Variants in STIL observed in about 807,000 individuals in gnomAD.
STIL encodes SCL-interrupting locus protein.
A neutral mutation model predicts 110.1 loss-of-function variants in STIL; 55 were observed. The ratio of observed to expected loss-of-function variants is 0.50; its 90% confidence interval spans 0.40 to 0.63. The LOEUF (loss-of-function observed/expected upper bound fraction) is 0.63. STIL is among the 20% of genes least tolerant of loss of function. The pLI, the probability that STIL is intolerant of heterozygous loss-of-function variation, is 0.00. For synonymous variants in STIL, 481 were observed against 530.0 expected, an observed-to-expected ratio of 0.91 and a Z score of 1.27; for missense variants, 1,358 against 1,530.0, an observed-to-expected ratio of 0.89 and a Z score of 1.87.
chr1:47,311,400 T>C (rs1646122209), intron 1 of STIL, among the ~76,000 whole-genome samples: 1 of 149,882 alleles, frequency 6.7e-6, no homozygotes, highest in Non-Finnish European at 1.5e-5. Flanking sequence ...TCCTCCCACC[T>C]CAGCCTCCTG....
intron 14 of STIL, among the ~76,000 whole-genome samples, chr1:47,264,730 G>A (rs1032290919): frequency 1.3e-5 from 2 of 152,112 alleles, no homozygotes; most frequent in Admixed American, 6.6e-5. Flanking sequence ...CCAAAAGTGC[G>A]AGAAGGATCC....
At chr1:47,275,793 TC>T (rs1347843577) in intron 12 of STIL, among the ~76,000 whole-genome samples, 1 of 151,882 alleles carries the variant, frequency 6.6e-6, no homozygotes, top group African/African-American at 2.4e-5. Context: ...GCCAGTTATT[TC>T]TTTTTTATTT....
At chr1:47,275,345 A>T (rs1291822601) in intron 12 of STIL, among the ~76,000 whole-genome samples, 1 of 151,694 alleles carries the variant, frequency 6.6e-6, no homozygotes, top group Non-Finnish European at 1.5e-5. Context: ...GCGGTGGCTC[A>T]CTCCTGTAAT....
chr1:47,292,927 C>A (rs1211980205), intron 8 of STIL, among the ~76,000 whole-genome samples: 2 of 152,072 alleles, frequency 1.3e-5, no homozygotes, highest in Non-Finnish European at 2.9e-5. Context: ...AGGTGAGAGA[C>A]AAATACTGAC....
At chr1:47,301,532 T>C in intron 5 of STIL, 29 bp downstream of exon 5, 1 of 1,588,808 alleles carries the variant, frequency 6.3e-7, no homozygotes, top group African/African-American at 1.3e-5. Context: ...TTGTGTTGAA[T>C]TAACTATCAA....
chr1:47,252,548 C>G (rs1270346086), intron 16 of STIL, among the ~76,000 whole-genome samples: 1 of 152,038 alleles, frequency 6.6e-6, no homozygotes, highest in Non-Finnish European at 1.5e-5. Flanking sequence ...TAAAAGTCAT[C>G]AACATAGCTA....
In STIL at chr1:47,301,843, T is replaced by C. The variant is rs1466852131; in HGVS notation, c.266-95A>G. ...ACATTATAGCAAAGCACTTTGTTCA[T>C]ACCAATAGTACACTAAACTCTTAAA... On this transcript the variant is annotated intron_variant, in intron 4 of 16. Coordinates refer to ENST00000371877, the MANE Select transcript of STIL (RefSeq NM_001048166.1). 5.4e-6 allele frequency: 6 copies of C among 1,105,126 alleles called. No individual in the cohort carries two copies. In the Admixed American group the frequency reaches 7.5e-5, roughly 14 times the overall value. The allele number at this position is 1,105,126 out of a possible 1,614,324, so 68.5% of individuals were successfully genotyped here.
At chr1:47,313,852 C>T (rs1223411995) in intron 1 of STIL, among the ~76,000 whole-genome samples, 184 bp downstream of exon 1, 1 of 152,220 alleles carries the variant, frequency 6.6e-6, no homozygotes, top group Non-Finnish European at 1.5e-5. Flanking sequence ...CATACCTTAG[C>T]TCAGATGATA....
In STIL at chr1:47,250,506, A is replaced by C; in HGVS notation, c.*630T>G. 1 of 162,952 alleles carries C rather than the reference A, an allele frequency of 6.1e-6. No homozygotes were observed. The highest frequency in any genetic ancestry group is 1.4e-5 in the Non-Finnish European group (1 of 74,044). 10.1% of individuals were successfully genotyped at this position (162,952 alleles called of 1,614,324 possible). ...TGATATAGGATAAATGCAGAGATGC[A>C]ACATGCTGGAACTTCTTAAAATATA... On this transcript the variant is annotated 3_prime_UTR_variant, in exon 17 of 17. Transcript: ENST00000371877.
rs556291404 is a variant in STIL at position 47,310,078 on chromosome 1, C to T, written c.44+198G>A. Among the ~76,000 whole-genome samples, 49 of 152,158 alleles carry T rather than the reference C, an allele frequency of 3.2e-4. 1 individual carries two copies. The highest frequency in any genetic ancestry group is 9.4e-4 in the African/African-American group (39 of 41,514). ...TAATCTTCTGTGAGACAGAGATTAC[C>T]ATCCTCATTTTACAGATGAAGAACT... On this transcript the variant is annotated intron_variant, in intron 2 of 16. Coordinates refer to ENST00000371877, the MANE Select transcript of STIL (RefSeq NM_001048166.1).
At chr1:47,275,319 T>G (rs1644958937) in intron 12 of STIL, among the ~76,000 whole-genome samples, 1 of 150,390 alleles carries the variant, frequency 6.6e-6, no homozygotes, top group Non-Finnish European at 1.5e-5. Flanking sequence ...TTAAAAAGAT[T>G]TTTTTTTTGC....
chr1:47,273,785 C>T (rs1644909041), intron 12 of STIL, among the ~76,000 whole-genome samples: 1 of 152,030 alleles, frequency 6.6e-6, no homozygotes, highest in African/African-American at 2.4e-5. Flanking sequence ...CTACTGTGCT[C>T]AATATAATTT....
In STIL at chr1:47,306,416, A is replaced by G. The variant is rs148764255; in HGVS notation, c.45-1420T>C. On this transcript the variant is annotated intron_variant, in intron 2 of 16. Coordinates refer to ENST00000371877, the MANE Select transcript of STIL (RefSeq NM_001048166.1). Reference sequence around the variant, plus strand: ...CCACAAATGTGCACCACCACGTGAGATTTACTTTTGTAATTTTTGTAGACA... The same window carrying G: ...CCACAAATGTGCACCACCACGTGAGGTTTACTTTTGTAATTTTTGTAGACA... Among the ~76,000 whole-genome samples, 342 of 152,060 alleles carry G rather than the reference A, an allele frequency of 2.2e-3. 1 individual carries two copies. Among genetic ancestry groups the G allele is most frequent in the African/African-American group, 7.8e-3 (323 of 41,502 alleles).
chr1:47,298,773 TCG>T (rs1342590815), intron 6 of STIL, among the ~76,000 whole-genome samples: 1 of 152,084 alleles, frequency 6.6e-6, no homozygotes, highest in African/African-American at 2.4e-5. Flanking sequence ...AGACAGAGTC[TCG>T]CTCTGCCGCC....
intron 13 of STIL, among the ~76,000 whole-genome samples, chr1:47,270,890 G>C (rs904338534): frequency 3.3e-5 from 5 of 151,766 alleles, no homozygotes; most frequent in Non-Finnish European, 7.4e-5. Flanking sequence ...TTTTGACCAG[G>C]CTGGTCTCGA....
At chr1:47,290,386 G>A (rs1303693096) in intron 8 of STIL, among the ~76,000 whole-genome samples, 1 of 152,224 alleles carries the variant, frequency 6.6e-6, no homozygotes, top group African/African-American at 2.4e-5. Context: ...TATATAGAGA[G>A]AGAGCTTGCT....
rs771575592 is a variant in STIL, at chr1:47,272,167, T to C, written c.2292A>G (p.Gln764=). The stretch of plus-strand genomic sequence containing the variant: ...AAACCAACTCCATTTGTCTTCCAGC[T>C]TGCACTGTGTCTTCAACAGCAGTTG... ...PKTTAVEDTV[Q]AGRQMELVSV... The change falls in exon 13 of 17, where the codon CAA becomes CAG. Residue 764 remains glutamine, a synonymous_variant. Transcript: ENST00000371877. 1.2e-6 allele frequency: 2 copies of C among 1,614,210 alleles called. No individual in the cohort carries two copies. Among genetic ancestry groups the C allele is most frequent in the Admixed American group, 1.7e-5 (1 of 60,024 alleles).
At chr1:47,256,482 G>A (rs571436606) in intron 16 of STIL, among the ~76,000 whole-genome samples, 66 of 152,124 alleles carry the variant, frequency 4.3e-4, no homozygotes, top group Admixed American at 7.9e-4. Context: ...TTAGCTGGGC[G>A]TGGTGGTGCG....
At chr1:47,290,296 T>C (rs1645442730) in intron 8 of STIL, among the ~76,000 whole-genome samples, 1 of 152,158 alleles carries the variant, frequency 6.6e-6, no homozygotes, top group Admixed American at 6.5e-5. Flanking sequence ...AAAAATATTG[T>C]TAAACTTAAA....
Sources: gnomAD v4.1 joint callset for allele counts (sites outside exome capture counted in the v4.1 genomes callset) on GRCh38, gnomAD v4.1.1 for gene constraint, MANE v1.5 for transcripts, NCBI Gene and HGNC (gene_info 2026-07-23, HGNC 2026-07-21) for gene names.